The following ANK2 variants were observed in gnomAD, a reference collection of about 807,000 sequenced individuals.
ANK2 encodes ankyrin-2.
In ANK2, 83 loss-of-function variants were observed where a neutral mutation model predicts 360.5. The observed-to-expected ratio is 0.23, with a 90% CI of 0.19 to 0.28. ANK2 has a LOEUF of 0.28. ANK2 is among the 10% of genes least tolerant of loss of function. ANK2 has a pLI of 1.00. For synonymous variants in ANK2, 1,740 were observed against 1,759.5 expected (o/e 0.99, Z 0.28); for missense variants, 4,201 against 4,795.7 (o/e 0.88, Z 3.66).
chr4:113,292,938 G>C, intron 21 of ANK2: 1 of 351,764 alleles, frequency 2.8e-6, no homozygotes, highest in Non-Finnish European at 5.5e-6. Context: ...CTGGGATCCC[G>C]AGTGGCCTGG....
In ANK2 at chr4:113,294,686, G is replaced by A. The variant is rs1035703731; in HGVS notation, c.2475+1148G>A. ...AGCTGCAAGACACAAACTGAATTTA[G>A]ATGGGAAAGAATAGCACTGCTTGTT... On this transcript the variant is annotated intron_variant, in intron 22 of 45. Transcript: ENST00000357077. Among the ~76,000 whole-genome samples, 15 of 152,314 alleles carry A rather than the reference G, an allele frequency of 9.8e-5. No individual in the cohort carries two copies. In the East Asian group the frequency reaches 2.9e-3, roughly 29 times the overall value.
intron 9 of ANK2, among the ~76,000 whole-genome samples, chr4:113,243,170 G>T (rs2040926424): frequency 6.6e-6 from 1 of 152,114 alleles, no homozygotes; most frequent in African/African-American, 2.4e-5. Flanking sequence ...CTTCAAATGT[G>T]CCTATAATAC....
At chr4:113,206,297 T>C (rs767853645) in intron 4 of ANK2, among the ~76,000 whole-genome samples, 11 of 152,176 alleles carry the variant, frequency 7.2e-5, no homozygotes, top group Non-Finnish European at 1.6e-4. Context: ...CCTGTGTCCA[T>C]GCATTCTCAT....
the ANK2 span, among the ~76,000 whole-genome samples, chr4:112,760,810 T>TC: frequency 2.8e-5 from 4 of 145,298 alleles, no homozygotes; most frequent in East Asian, 4.0e-4. Context: ...TTCTTCTTCT[T>TC]TTTTTTTTTT....
the ANK2 span, among the ~76,000 whole-genome samples, chr4:112,791,479 C>CTTCT: frequency 1.1e-5 from 1 of 93,898 alleles, no homozygotes; most frequent in African/African-American, 4.0e-5. Flanking sequence ...TCTTCTTCTT[C>CTTCT]TTTTTTTTTT....
In ANK2 at chr4:113,358,153, G is replaced by A. The variant is rs527731735; in HGVS notation, c.9535G>A (p.Ala3179Thr). The change falls in exon 38 of 46, where the codon GCA becomes ACA. Residue 3179 changes from alanine to threonine, a missense_variant. Around this residue, in one of 4 missense-constraint regions of ANK2, gnomAD observed 2,642 missense variants for 2,714.5 expected, o/e 0.97. Transcript: ENST00000357077. ...SESKETVDDE[A>T]DLLPDDVSEE... ...ATCAAAAGAAACAGTGGATGATGAG[G>A]CAGACTTACTTCCAGATGACGTGAG... is the stretch of plus-strand genomic sequence containing the variant. 1 of 1,614,064 alleles carries A rather than the reference G, an allele frequency of 6.2e-7. No individual in the cohort carries two copies. The highest frequency in any genetic ancestry group is 1.3e-5 in the African/African-American group (1 of 75,042).
At chr4:112,954,820 T>G (rs1229977323) in intron 2 of ANK2, among the ~76,000 whole-genome samples, 1 of 152,142 alleles carries the variant, frequency 6.6e-6, no homozygotes, top group East Asian at 1.9e-4. Flanking sequence ...CTTGCTGATA[T>G]AAGTGTAAAC....
chr4:113,201,859 C>A (rs1367482603), intron 4 of ANK2, among the ~76,000 whole-genome samples: 1 of 151,998 alleles, frequency 6.6e-6, no homozygotes, highest in Non-Finnish European at 1.5e-5. Context: ...ATAATCATGC[C>A]AAATTATAAC....
At chr4:113,300,812 G>T (rs536587161) in intron 22 of ANK2, among the ~76,000 whole-genome samples, 1 of 152,128 alleles carries the variant, frequency 6.6e-6, no homozygotes, top group East Asian at 1.9e-4. Context: ...GCTACCTCTC[G>T]CTCTTTACTG....
At chr4:113,181,988 C>A (rs902252951) in intron 2 of ANK2, among the ~76,000 whole-genome samples, 1 of 114,410 alleles carries the variant, frequency 8.7e-6, no homozygotes, top group Non-Finnish European at 1.8e-5. Context: ...AAGGCTCAGG[C>A]TGAAAGGGAA....
intron 1 of ANK2, among the ~76,000 whole-genome samples, chr4:113,158,775 G>T (rs1362867305): frequency 6.6e-6 from 1 of 152,240 alleles, no homozygotes; most frequent in Non-Finnish European, 1.5e-5. Context: ...TAGAGATGAG[G>T]TATCTATGGT....
chr4:112,922,355 G>GT (rs1187923283), intron 2 of ANK2, among the ~76,000 whole-genome samples: 4 of 152,196 alleles, frequency 2.6e-5, no homozygotes, highest in Non-Finnish European at 1.5e-5. Context: ...CTGTGACTGG[G>GT]TTTTTTTACT....
intron 5 of ANK2, among the ~76,000 whole-genome samples, chr4:113,235,991 G>A (rs2099374473): frequency 6.6e-6 from 1 of 151,742 alleles, no homozygotes; most frequent in Non-Finnish European, 1.5e-5. Flanking sequence ...GCCCGCCTCG[G>A]CCTCCCAAAG....
chr4:112,826,208 G>A, intron 1 of ANK2: 2 of 319,260 alleles, frequency 6.3e-6, no homozygotes, highest in Non-Finnish European at 1.1e-5. Flanking sequence ...CTTGTCATTT[G>A]AGAATCCAGT....
In ANK2 at chr4:113,356,983, G is replaced by A. The variant is rs2095826054; in HGVS notation, c.8365G>A (p.Val2789Ile). 6.2e-7 allele frequency: 1 copy of A among 1,614,052 alleles called. No individual in the cohort carries two copies. The highest frequency in any genetic ancestry group is 8.5e-7 in the Non-Finnish European group (1 of 1,179,970). Reference protein sequence around the residue: ...AMSPSSSAAPVSSGLQSPTGD... With the variant: ...AMSPSSSAAPISSGLQSPTGD... ...GAGTCCTAGCAGCTCAGCTGCTCCT[G>A]TCTCTTCAGGTCTACAGAGTCCGAC... is the stretch of plus-strand genomic sequence containing the variant. The change falls in exon 38 of 46, where the codon GTC becomes ATC. Residue 2789 changes from valine to isoleucine, a missense_variant. By Grantham distance (29) the Val-to-Ile change is conservative (BLOSUM62 3). Coordinates refer to ENST00000357077, the MANE Select transcript of ANK2 (RefSeq NM_001148.6).
intron 1 of ANK2, among the ~76,000 whole-genome samples, chr4:112,849,186 C>T (rs1283528530): frequency 1.3e-5 from 2 of 152,166 alleles, no homozygotes; most frequent in Admixed American, 1.3e-4. Flanking sequence ...ACATAATCTG[C>T]TATTTTTATA....
intron 2 of ANK2, among the ~76,000 whole-genome samples, chr4:112,989,161 C>T (rs1298340964): frequency 6.6e-6 from 1 of 152,014 alleles, no homozygotes; most frequent in Non-Finnish European, 1.5e-5. Flanking sequence ...ATATTTTAAA[C>T]GAGAAAACTG....
chr4:112,778,695 G>T, the ANK2 span, among the ~76,000 whole-genome samples: 1 of 152,166 alleles, frequency 6.6e-6, no homozygotes, highest in African/African-American at 2.4e-5. Flanking sequence ...CGCTGACAAG[G>T]GGCGCCAGCC....
chr4:112,851,049 A>G lies in ANK2; in HGVS notation c.-40+32785A>G, dbSNP rs540700646. Among the ~76,000 whole-genome samples, 3 of 152,154 alleles carry G rather than the reference A, an allele frequency of 2.0e-5. No homozygotes were observed. In the South Asian group the frequency reaches 6.2e-4, roughly 32 times the overall value. On this transcript the variant is annotated intron_variant, in intron 1 of 30. Coordinates refer to the ANK2 transcript ENST00000503271. Reference sequence around the variant, plus strand: ...GACCAATAAATAGCACTCGTCCTCTATACCTGAGGTCGGAACCAGTAGAGG... The same window carrying G: ...GACCAATAAATAGCACTCGTCCTCTGTACCTGAGGTCGGAACCAGTAGAGG...
Sources: gnomAD v4.1 joint callset for allele counts (sites outside exome capture counted in the v4.1 genomes callset) on GRCh38, gnomAD v4.1.1 for gene constraint, gnomAD v4.1.1 regional missense constraint, MANE v1.5 for transcripts, NCBI Gene and HGNC (gene_info 2026-07-23, HGNC 2026-07-21) for gene names.